The following GSN variants were observed in gnomAD, a reference collection of about 807,000 sequenced individuals.
The protein encoded by GSN is gelsolin.
A neutral mutation model predicts 85.7 loss-of-function variants in GSN; 56 were observed. The ratio of observed to expected loss-of-function variants is 0.65; its 90% confidence interval spans 0.53 to 0.82. The LOEUF (loss-of-function observed/expected upper bound fraction) is 0.82, where lower values mean the gene tolerates loss of function less well. Among genes scored for constraint, GSN ranks in the 40% least tolerant of loss-of-function variants. GSN has a pLI of 0.00. For synonymous variants in GSN, 373 were observed against 399.1 expected, an observed-to-expected ratio of 0.93 and a Z score of 0.78; for missense variants, 857 against 979.8, an observed-to-expected ratio of 0.87 and a Z score of 1.67.
chr9:121,232,757 A>G (rs1360474451), intron 5 of GSN, among the ~76,000 whole-genome samples: 1 of 152,254 alleles, frequency 6.6e-6, no homozygotes, highest in African/African-American at 2.4e-5. Context: ...GAAAGGCAAC[A>G]GTTAGGTCTC....
intron 2 of GSN, among the ~76,000 whole-genome samples, chr9:121,300,944 C>T (rs796430579): frequency 9.2e-5 from 14 of 152,272 alleles, no homozygotes; most frequent in African/African-American, 2.9e-4. Context: ...ACCCACTTAG[C>T]GTGCACAGAG....
upstream of GSN, among the ~76,000 whole-genome samples, chr9:121,204,328 T>A (rs1398298059): frequency 6.6e-6 from 1 of 152,234 alleles, no homozygotes; most frequent in African/African-American, 2.4e-5. Context: ...TACTAAGCCC[T>A]ATTCCATTTC....
chr9:121,273,636 A>G (rs755722860), intron 1 of GSN, among the ~76,000 whole-genome samples: 7 of 152,118 alleles, frequency 4.6e-5, no homozygotes, highest in Admixed American at 6.6e-5. Flanking sequence ...CCCCCACACA[A>G]TTATCCTATA....
At chr9:121,304,982 G>C (rs1393790758) in intron 4 of GSN, among the ~76,000 whole-genome samples, 2 of 152,144 alleles carry the variant, frequency 1.3e-5, no homozygotes, top group East Asian at 1.9e-4. Flanking sequence ...CTCTGAGAGG[G>C]GTTCAGGGAT....
In GSN at chr9:121,217,971, C is replaced by T. The variant is rs560105509; in HGVS notation, c.-528+7104C>T. ...GATATAACTTTGGTGTGTGTTTTCT[C>T]TTTTACATAAGTACGATCAAATTGT... On this transcript the variant is annotated intron_variant, in intron 4 of 24. Transcript: ENST00000373823. 3.3e-5 allele frequency among the ~76,000 whole-genome samples: 5 copies of T among 152,054 alleles called. No individual in the cohort carries two copies. The South Asian group carries it at 1.0e-3, about 32-fold the overall frequency.
rs1034754473 is a variant in GSN at position 121,324,411 on chromosome 9, CGTT to C, written c.1326-139_1326-137del. ...AAGTGTTGGTGTGGTTCCTGGCTCT[CGTT>C]GTTCTGAAAGAGTCCCCTTCCCTCT... On this transcript the variant is annotated intron_variant, in intron 11 of 17. Transcript: ENST00000432226. 10 of 669,432 alleles carry C rather than the reference CGTT, an allele frequency of 1.5e-5. No homozygotes were observed. In the Admixed American group the frequency reaches 1.6e-4, roughly 11 times the overall value. The allele number at this position is 669,432 out of a possible 1,614,324, so 41.5% of individuals were successfully genotyped here. A position where few individuals can be genotyped will look rare whatever the true frequency, so the allele number is the denominator to read the frequency against.
intron 6 of GSN, among the ~76,000 whole-genome samples, chr9:121,257,013 A>G (rs1359258541): frequency 1.3e-5 from 2 of 152,234 alleles, no homozygotes; most frequent in Non-Finnish European, 2.9e-5. Flanking sequence ...TGTTCCCAAC[A>G]CAAAAAAGAG....
chr9:121,318,534 C>T lies in GSN; in HGVS notation c.975+40C>T. ...CCAGGTAGGATGGGAAGGGGTGGGT[C>T]CTGTTTGGAGGGGATGGGCTGGAGT... On this transcript the variant is annotated intron_variant, in intron 9 of 17. Coordinates refer to ENST00000432226, the MANE Select transcript of GSN (RefSeq NM_198252.3). This position sits in a 1 kb window ranked among gnomAD's most constrained non-coding sequence, Gnocchi z 4.3. 1.3e-6 allele frequency: 2 copies of T among 1,547,336 alleles called. No homozygotes were observed. The highest frequency in any genetic ancestry group is 8.9e-7 in the Non-Finnish European group (1 of 1,119,160).
At chr9:121,320,432 G>A (rs183300114) in intron 10 of GSN, among the ~76,000 whole-genome samples, 12 of 152,156 alleles carry the variant, frequency 7.9e-5, no homozygotes, top group African/African-American at 2.4e-4. Context: ...ATCACCTGAG[G>A]TCAGGAGTTC....
intron 1 of GSN, among the ~76,000 whole-genome samples, chr9:121,208,659 G>A (rs758926302): frequency 6.6e-6 from 1 of 152,226 alleles, no homozygotes; most frequent in Non-Finnish European, 1.5e-5. Context: ...TGACCCAGAA[G>A]TTGTACCTAT....
chr9:121,296,010 C>G (rs1022684955), intron 2 of GSN, among the ~76,000 whole-genome samples: 1 of 152,236 alleles, frequency 6.6e-6, no homozygotes, highest in Non-Finnish European at 1.5e-5. Context: ...TTGGCCTGGG[C>G]AGTCACATCA....
chr9:121,329,050 C>A lies in GSN; in HGVS notation c.1887+35C>A. On this transcript the variant is annotated intron_variant, in intron 15 of 17. Transcript: ENST00000432226. This position sits in a 1 kb window ranked among gnomAD's most constrained non-coding sequence, Gnocchi z 4.6. ...TGCGGAGGTCACACCTCTGCTTTCC[C>A]CTCGGGAGGCGAGTTCCACAGGACT... 1 of 1,610,924 alleles carries A rather than the reference C, an allele frequency of 6.2e-7. No homozygotes were observed. The highest frequency in any genetic ancestry group is 1.1e-5 in the South Asian group (1 of 90,806).
intron 4 of GSN, among the ~76,000 whole-genome samples, chr9:121,224,250 C>A (rs1470880067): frequency 6.6e-6 from 1 of 152,204 alleles, no homozygotes; most frequent in East Asian, 1.9e-4. Context: ...GCGCCCGTCA[C>A]CACGCCCGGC....
At chr9:121,303,133 C>T in intron 4 of GSN, 68 bp downstream of exon 4, 3 of 1,505,678 alleles carry the variant, frequency 2.0e-6, no homozygotes, top group Non-Finnish European at 2.8e-6. Flanking sequence ...CACTCAGGCC[C>T]ATCTATCTTT....
intron 4 of GSN, among the ~76,000 whole-genome samples, chr9:121,223,450 G>C (rs1039075319): frequency 6.6e-6 from 1 of 151,940 alleles, no homozygotes; most frequent in Non-Finnish European, 1.5e-5. Flanking sequence ...ACCCCCAAAG[G>C]ATCTAGACAA....
chr9:121,252,825 T>G (rs1018546739), intron 6 of GSN, among the ~76,000 whole-genome samples: 1 of 152,236 alleles, frequency 6.6e-6, no homozygotes, highest in Non-Finnish European at 1.5e-5. Context: ...TAATATAACC[T>G]AACTTTTCCT....
At chr9:121,303,696 G>A (rs1354127431) in intron 4 of GSN, among the ~76,000 whole-genome samples, 2 of 152,208 alleles carry the variant, frequency 1.3e-5, no homozygotes, top group Non-Finnish European at 2.9e-5. Context: ...GGTTACCTGA[G>A]AGCCAGTTGT....
At chr9:121,231,654 C>A (rs1347528772) in intron 5 of GSN, among the ~76,000 whole-genome samples, 2 of 152,164 alleles carry the variant, frequency 1.3e-5, no homozygotes, top group African/African-American at 4.8e-5. Flanking sequence ...AAATTTTCAA[C>A]AGAGTGACCA....
chr9:121,250,203 T>TC (rs1491401964), intron 6 of GSN, among the ~76,000 whole-genome samples: 1 of 92,692 alleles, frequency 1.1e-5, no homozygotes, highest in Non-Finnish European at 1.7e-5. Context: ...GATCCTTCTC[T>TC]TTTTTTTTTT....
Sources: gnomAD v4.1 joint callset for allele counts (sites outside exome capture counted in the v4.1 genomes callset) on GRCh38, gnomAD v4.1.1 for gene constraint, Gnocchi (gnomAD v3.1) non-coding constraint, MANE v1.5 for transcripts, NCBI Gene and HGNC (gene_info 2026-07-23, HGNC 2026-07-21) for gene names.